PABPC4L: variants seen among roughly 807,000 people sequenced by gnomAD.
PABPC4L encodes the protein poly(A) binding protein cytoplasmic 4 like, also known as polyadenylate-binding protein 4-like.
For missense variants in PABPC4L, 452 were observed against 451.4 expected (o/e 1.00, Z -0.01); for synonymous variants, 169 against 164.1 (o/e 1.03, Z -0.23).
the PABPC4L span, among the ~76,000 whole-genome samples, chr4:134,189,726 T>A: frequency 6.6e-6 from 1 of 152,160 alleles, no homozygotes; most frequent in Non-Finnish European, 1.5e-5. Context: ...TCTTGCACTA[T>A]GAACTTCATA....
At chr4:134,119,593 A>G in the PABPC4L span, among the ~76,000 whole-genome samples, 2 of 151,668 alleles carry the variant, frequency 1.3e-5, no homozygotes, top group African/African-American at 4.8e-5. Flanking sequence ...ATTAAAATGT[A>G]AAGAAGAAAA....
At chr4:134,159,353 A>G in the PABPC4L span, among the ~76,000 whole-genome samples, 1 of 152,122 alleles carries the variant, frequency 6.6e-6, no homozygotes, top group Non-Finnish European at 1.5e-5. Context: ...AACTCAGATG[A>G]GTAATCATAG....
the PABPC4L span, among the ~76,000 whole-genome samples, chr4:134,139,871 T>A: frequency 6.6e-6 from 1 of 151,786 alleles, no homozygotes. Context: ...GAATGAAGGA[T>A]GTTTCCCATA....
At chr4:133,989,147 G>A in the PABPC4L span, among the ~76,000 whole-genome samples, 1 of 152,214 alleles carries the variant, frequency 6.6e-6, no homozygotes, top group African/African-American at 2.4e-5. Flanking sequence ...GATAGGAGGG[G>A]CTGCAATGAA....
the PABPC4L span, among the ~76,000 whole-genome samples, chr4:134,008,744 T>C: frequency 4.0e-5 from 6 of 151,824 alleles, no homozygotes; most frequent in Admixed American, 1.3e-4. Context: ...TCTTTTTTTC[T>C]TTTTGAACCA....
chr4:134,024,333 A>G, the PABPC4L span, among the ~76,000 whole-genome samples: 1 of 152,158 alleles, frequency 6.6e-6, no homozygotes, highest in African/African-American at 2.4e-5. Context: ...CAAAAATATA[A>G]CAAACTCAGT....
the PABPC4L span, among the ~76,000 whole-genome samples, chr4:134,095,523 C>T: frequency 1.3e-5 from 2 of 151,852 alleles, no homozygotes; most frequent in African/African-American, 4.8e-5. Flanking sequence ...AAACGCCAAT[C>T]CATATATTCT....
At chr4:134,186,885 T>C in the PABPC4L span, among the ~76,000 whole-genome samples, 1 of 152,054 alleles carries the variant, frequency 6.6e-6, no homozygotes, top group African/African-American at 2.4e-5. Context: ...GGGCAAAGGA[T>C]ATGAACAGAA....
rs944491051 is a variant in PABPC4L at position 134,200,615 on chromosome 4, G to A, written c.405C>T (p.Gly135=). 2.6e-5 allele frequency: 41 copies of A among 1,551,494 alleles called. 1 individual carries two copies. Among genetic ancestry groups the A allele is most frequent in the Non-Finnish European group, 3.4e-5 (39 of 1,146,982 alleles). The change falls in exon 2 of 2, where the codon GGC becomes GGT. Residue 135 remains glycine (G), a synonymous_variant. Coordinates refer to ENST00000421491, the MANE Select transcript of PABPC4L (RefSeq NM_001114734.2). ...LSSKVMSDDQ[G]SKGYAFVHFQ... is the part of the protein sequence containing the mutation. ...AGTGCACAAATGCATAGCCCTTGGAGCCTTGATCATCACTCATCACCTTGG... is the reference window on the plus strand; with the variant it reads ...AGTGCACAAATGCATAGCCCTTGGAACCTTGATCATCACTCATCACCTTGG...
chr4:133,950,037 T>G, the PABPC4L span, among the ~76,000 whole-genome samples: 2 of 152,160 alleles, frequency 1.3e-5, no homozygotes, highest in Admixed American at 1.3e-4. Flanking sequence ...ATATGCCCTT[T>G]GAGAGTTTGA....
At chr4:134,073,593 A>G in the PABPC4L span, among the ~76,000 whole-genome samples, 1 of 151,808 alleles carries the variant, frequency 6.6e-6, no homozygotes, top group African/African-American at 2.4e-5. Flanking sequence ...CCCAGTGGGG[A>G]CTCTGTGTGG....
the PABPC4L span, among the ~76,000 whole-genome samples, chr4:134,127,460 C>A: frequency 6.6e-6 from 1 of 152,050 alleles, no homozygotes; most frequent in East Asian, 1.9e-4. Context: ...GACCTGAAGA[C>A]GGCTCACATC....
At chr4:134,179,835 T>C in the PABPC4L span, among the ~76,000 whole-genome samples, 9 of 152,110 alleles carry the variant, frequency 5.9e-5, no homozygotes, top group Non-Finnish European at 1.3e-4. Context: ...CAAGAGGACT[T>C]AACTATCCTG....
At chr4:134,076,008 G>A in the PABPC4L span, among the ~76,000 whole-genome samples, 1 of 149,734 alleles carries the variant, frequency 6.7e-6, no homozygotes, top group East Asian at 1.9e-4. Context: ...TCTTATAATA[G>A]GAACTGGAAA....
chr4:134,161,074 A>G, the PABPC4L span, among the ~76,000 whole-genome samples: 2 of 152,072 alleles, frequency 1.3e-5, no homozygotes, highest in East Asian at 3.9e-4. Context: ...TTTCAGAGAA[A>G]CTTAACAAAG....
chr4:134,070,226 A>G, the PABPC4L span, among the ~76,000 whole-genome samples: 1 of 151,990 alleles, frequency 6.6e-6, no homozygotes, highest in Non-Finnish European at 1.5e-5. Flanking sequence ...CACTGACCAC[A>G]GCACTCTGAT....
chr4:134,186,859 A>C, the PABPC4L span, among the ~76,000 whole-genome samples: 100 of 152,282 alleles, frequency 6.6e-4, no homozygotes, highest in African/African-American at 2.3e-3. Flanking sequence ...AAAATCAAAC[A>C]ACCCCATCAA....
the PABPC4L span, among the ~76,000 whole-genome samples, chr4:134,016,255 C>T: frequency 1.3e-5 from 2 of 152,180 alleles, no homozygotes; most frequent in Non-Finnish European, 2.9e-5. Flanking sequence ...CAAGTCCTCA[C>T]TCTTGCAAAA....
chr4:134,047,629 C>A, the PABPC4L span, among the ~76,000 whole-genome samples: 5 of 152,138 alleles, frequency 3.3e-5, no homozygotes, highest in East Asian at 9.7e-4. Context: ...GTTGCTTTTA[C>A]TTCAGGAAAT....
Sources: allele counts gnomAD v4.1 joint callset (sites outside exome capture counted in the v4.1 genomes callset), GRCh38; gene constraint gnomAD v4.1.1; transcripts MANE v1.5; gene names NCBI Gene and HGNC (gene_info 2026-07-23, HGNC 2026-07-21).